CAMKK1: variants seen among roughly 807,000 people sequenced by gnomAD.
The protein encoded by CAMKK1 is calcium/calmodulin dependent protein kinase kinase 1.
In CAMKK1, 20 loss-of-function variants were observed where a neutral mutation model predicts 63.5. The observed-to-expected ratio is 0.32, with a 90% CI of 0.22 to 0.46. The LOEUF is 0.46. Ranked by LOEUF, CAMKK1 falls within the 20% of genes least tolerant of loss-of-function variation. The probability of loss-of-function intolerance (pLI) is 1.00; values close to 1 mark genes in which losing one functional copy is unlikely to be tolerated. For missense variants in CAMKK1, 588 were observed against 658.1 expected, an observed-to-expected ratio of 0.89 and a Z score of 1.17; for synonymous variants, 253 against 269.0, an observed-to-expected ratio of 0.94 and a Z score of 0.58.
rs978930397 is a variant in CAMKK1, at chr17:3,890,129, A to G, written c.-44+2810T>C. Among the ~76,000 whole-genome samples the G allele has an allele frequency of 5.3e-5, 8 of 152,206 alleles. No homozygotes were observed. Among genetic ancestry groups the G allele is most frequent in the Non-Finnish European group, 8.8e-5 (6 of 68,024 alleles). ...GGTCCTCCCATGCCTGGGCCGCCTC[A>G]CTGGAGCTGTGTTTATGATCCTGGC... On this transcript the variant is annotated intron_variant, in intron 1 of 15. Coordinates refer to ENST00000348335, the MANE Select transcript of CAMKK1 (RefSeq NM_032294.3). The surrounding 1 kb of genome is among the most constrained non-coding windows in gnomAD (Gnocchi z 6.5).
chr17:3,882,675 C>T lies in CAMKK1; in HGVS notation c.649-111G>A, dbSNP rs2055465737. ...GAACCCTTAGTATGCATGCAACCACCCCAGACAAGGAAGCAGGAAGTGTAC... is the reference window on the plus strand; with the variant it reads ...GAACCCTTAGTATGCATGCAACCACTCCAGACAAGGAAGCAGGAAGTGTAC... On this transcript the variant is annotated intron_variant, in intron 6 of 15. Transcript: ENST00000348335. The surrounding 1 kb of genome is among the most constrained non-coding windows in gnomAD (Gnocchi z 4.3). 1.2e-5 allele frequency: 12 copies of T among 1,021,950 alleles called. No homozygotes were observed. Among genetic ancestry groups the T allele is most frequent in the Non-Finnish European group, 1.8e-5 (12 of 673,246 alleles). The allele number at this position is 1,021,950 out of a possible 1,614,324, so 63.3% of individuals were successfully genotyped here.
In CAMKK1 at chr17:3,884,432, G is replaced by C. The variant is rs3809803; in HGVS notation, c.361-5C>G. The C allele has an allele frequency of 2.7e-5, 44 of 1,612,980 alleles. No homozygotes were observed. Among genetic ancestry groups the C allele is most frequent in the Non-Finnish European group, 3.6e-5 (42 of 1,179,512 alleles). On this transcript the variant is annotated splice_polypyrimidine_tract_variant and splice_region_variant and intron_variant, in intron 2 of 15. Coordinates refer to ENST00000348335, the MANE Select transcript of CAMKK1 (RefSeq NM_032294.3). The surrounding 1 kb of genome is among the most constrained non-coding windows in gnomAD (Gnocchi z 4.5). ...CTGGTTCAGCTGCACGCAGTCCTGT[G>C]GGGGAAGAGCGAGCACCAGGTGGAG...
chr17:3,866,719 T>G (rs2054540957), intron 14 of CAMKK1, among the ~76,000 whole-genome samples: 1 of 123,148 alleles, frequency 8.1e-6, no homozygotes, highest in South Asian at 3.4e-4. Context: ...TGCCCTCATA[T>G]AGCCTTTTTT....
chr17:3,867,234 C>T (rs769264684), intron 14 of CAMKK1, among the ~76,000 whole-genome samples: 10 of 152,194 alleles, frequency 6.6e-5, no homozygotes, highest in Non-Finnish European at 1.2e-4. Context: ...AGTGAGGGAG[C>T]GAGTCCCGTG....
rs537087701 is a variant in CAMKK1, at chr17:3,889,967, G to T, written c.-44+2972C>A. On this transcript the variant is annotated intron_variant, in intron 1 of 15. Coordinates refer to ENST00000348335, the MANE Select transcript of CAMKK1 (RefSeq NM_032294.3). The surrounding 1 kb of genome is among the most constrained non-coding windows in gnomAD (Gnocchi z 5.2). ...GCCTCATTCTGAGCGCTGGAAGGCC[G>T]CTGTGAACCCCAGTGCCAAGCCGAG... 3.3e-5 allele frequency among the ~76,000 whole-genome samples: 5 copies of T among 152,234 alleles called. No individual in the cohort carries two copies. The highest frequency in any genetic ancestry group is 1.2e-4 in the African/African-American group (5 of 41,470).
intron 1 of CAMKK1, among the ~76,000 whole-genome samples, chr17:3,886,226 G>A (rs944882585): frequency 3.3e-5 from 5 of 152,128 alleles, no homozygotes; most frequent in Non-Finnish European, 1.5e-5. Context: ...GCCTCCTCCA[G>A]GGAGCCCTCC....
rs2055816906 is a variant in CAMKK1, at chr17:3,889,764, C to G, written c.-44+3175G>C. Among the ~76,000 whole-genome samples the G allele has an allele frequency of 6.6e-6, 1 of 152,176 alleles. No individual in the cohort carries two copies. Among genetic ancestry groups the G allele is most frequent in the South Asian group, 2.1e-4 (1 of 4,830 alleles). ...AGGCTGTGCCCCACCCCCCAAGCGT[C>G]TGGCCACTCCCAAGGAATGTGGGCC... On this transcript the variant is annotated intron_variant, in intron 1 of 15. Coordinates refer to ENST00000348335, the MANE Select transcript of CAMKK1 (RefSeq NM_032294.3). The surrounding 1 kb of genome is among the most constrained non-coding windows in gnomAD (Gnocchi z 5.2).
chr17:3,885,564 C>G lies in CAMKK1; in HGVS notation c.124G>C (p.Val42Leu), dbSNP rs2055613050. Residue 42 changes from valine (V) to leucine (L), a missense_variant, in exon 2 of 16, where the codon GTG becomes CTG. This residue lies in a region of CAMKK1 where 357 missense variants were observed against 407.4 expected (regional missense o/e 0.88). Transcript: ENST00000348335. ...GCTCTGGCCCGTGGTGGGGGGTCCA[C>G]ACCGTTTCTAGTAGGCTCTGGGCCA... is the stretch of plus-strand genomic sequence containing the variant. ...DGGPEPTRNG[V>L]DPPPRARAAS... 4 of 1,613,970 alleles carry G rather than the reference C, an allele frequency of 2.5e-6. No individual in the cohort carries two copies. In the Admixed American group the frequency reaches 6.7e-5, roughly 27 times the overall value.
Position 3,882,346 on chromosome 17 carries a change from A to G in CAMKK1, c.685+182T>C. On this transcript the variant is annotated intron_variant, in intron 7 of 15. Coordinates refer to ENST00000348335, the MANE Select transcript of CAMKK1 (RefSeq NM_032294.3). This position sits in a 1 kb window ranked among gnomAD's most constrained non-coding sequence, Gnocchi z 4.3. The stretch of plus-strand genomic sequence containing the variant: ...GGCGATATTTGTTGAATCTAACTGG[A>G]TATTCTGGGCCTGGTTCTGCAGGGC... 2 of 1,613,968 alleles carry G rather than the reference A, an allele frequency of 1.2e-6. No individual in the cohort carries two copies. The highest frequency in any genetic ancestry group is 1.7e-6 in the Non-Finnish European group (2 of 1,179,940).
In CAMKK1 at chr17:3,862,828, G is replaced by A. The variant is rs770253977; in HGVS notation, c.1446-545C>T. Among the ~76,000 whole-genome samples the A allele has an allele frequency of 6.6e-6, 1 of 152,046 alleles. No individual in the cohort carries two copies. Among genetic ancestry groups the A allele is most frequent in the Non-Finnish European group, 1.5e-5 (1 of 68,020 alleles). On this transcript the variant is annotated intron_variant, in intron 15 of 15. Transcript: ENST00000348335. This position sits in a 1 kb window ranked among gnomAD's most constrained non-coding sequence, Gnocchi z 4.1. ...TATTTTTTTATCTCTATAAAAACAG[G>A]GTTTCACCATGTTGCCCAGGCTGGT...
chr17:3,874,990 T>C (rs1008088574), intron 10 of CAMKK1, among the ~76,000 whole-genome samples: 6 of 151,652 alleles, frequency 4.0e-5, no homozygotes, highest in Admixed American at 3.3e-4. Flanking sequence ...GGCGTGGTGG[T>C]GGGCGCCTGT....
At chr17:3,885,778 C>A in intron 1 of CAMKK1, 48 bp from the exon 2 acceptor site, 2 of 1,558,616 alleles carry the variant, frequency 1.3e-6, no homozygotes, top group East Asian at 2.3e-5. Flanking sequence ...GTCAGGCTGG[C>A]TACCAGGTAA....
At position 3,883,471 on chromosome 17, in the gene CAMKK1, C is replaced by A; in HGVS notation, c.472G>T (p.Val158Phe). ...ESEDRHYAMK[V>F]LSKKKLLKQY... ...TTCAGTAACTTCTTTTTGGAAAGGA[C>A]TTTCATTGCCTAAGGAAGGAGGGAC... is the stretch of plus-strand genomic sequence containing the variant. The change falls in exon 5 of 16, where the codon GTC (valine) becomes TTC (phenylalanine). Residue 158 changes from valine to phenylalanine, a missense_variant. By Grantham distance (50) the Val-to-Phe change is conservative. Transcript: ENST00000348335. This position sits in a 1 kb window ranked among gnomAD's most constrained non-coding sequence, Gnocchi z 4.7. 6.2e-7 allele frequency: 1 copy of A among 1,613,342 alleles called. No homozygotes were observed. Among genetic ancestry groups the A allele is most frequent in the South Asian group, 1.1e-5 (1 of 91,074 alleles).
At position 3,862,751 on chromosome 17, in the gene CAMKK1, T is replaced by G. The variant is rs1176571172; in HGVS notation, c.1446-468A>C. Among the ~76,000 whole-genome samples the G allele has an allele frequency of 6.6e-6, 1 of 152,202 alleles. No individual in the cohort carries two copies. The highest frequency in any genetic ancestry group is 6.5e-5 in the Admixed American group (1 of 15,278). On this transcript the variant is annotated intron_variant, in intron 15 of 15. Coordinates refer to ENST00000348335, the MANE Select transcript of CAMKK1 (RefSeq NM_032294.3). This position sits in a 1 kb window ranked among gnomAD's most constrained non-coding sequence, Gnocchi z 4.1. ...CTCAAGCGATCCTCCCACCTCAGCC[T>G]CCTGAGTAGCTGAGACTACAGGCAC...
Position 3,883,862 on chromosome 17 carries a change from T to G in CAMKK1, c.462+22A>C. The G allele has an allele frequency of 6.2e-7, 1 of 1,613,144 alleles. No individual in the cohort carries two copies. Among genetic ancestry groups the G allele is most frequent in the Non-Finnish European group, 8.5e-7 (1 of 1,179,626 alleles). On this transcript the variant is annotated intron_variant, in intron 4 of 15. Coordinates refer to ENST00000348335, the MANE Select transcript of CAMKK1 (RefSeq NM_032294.3). This position sits in a 1 kb window ranked among gnomAD's most constrained non-coding sequence, Gnocchi z 4.7. ...TCCAGGGCCTGGCTTGGGCAACACCTCCCTCGTATCCCCAGACTCACATAG... is the reference window on the plus strand; with the variant it reads ...TCCAGGGCCTGGCTTGGGCAACACCGCCCTCGTATCCCCAGACTCACATAG...
Position 3,889,964 on chromosome 17 carries a change from G to T in CAMKK1, c.-44+2975C>A, listed in dbSNP as rs2055826404. On this transcript the variant is annotated intron_variant, in intron 1 of 15. Coordinates refer to ENST00000348335, the MANE Select transcript of CAMKK1 (RefSeq NM_032294.3). The surrounding 1 kb of genome is among the most constrained non-coding windows in gnomAD (Gnocchi z 5.2). ...CAGGCCTCATTCTGAGCGCTGGAAG[G>T]CCGCTGTGAACCCCAGTGCCAAGCC... Among the ~76,000 whole-genome samples the T allele has an allele frequency of 2.0e-5, 3 of 152,346 alleles. No homozygotes were observed. In the South Asian group the frequency reaches 6.2e-4, roughly 32 times the overall value.
At chr17:3,871,516 G>T (rs986155801) in intron 12 of CAMKK1, among the ~76,000 whole-genome samples, 17 of 150,498 alleles carry the variant, frequency 1.1e-4, no homozygotes, top group Non-Finnish European at 2.4e-4. Context: ...CACCACGCCC[G>T]GCTAATTTTT....
In CAMKK1 at chr17:3,884,995, C is replaced by T. The variant is rs777407287; in HGVS notation, c.360+333G>A. The stretch of plus-strand genomic sequence containing the variant: ...AGACTCTAAGAGGCAGAATTAGAGG[C>T]GAGGGGTGCAAGCTGGAGAAGAGTT... On this transcript the variant is annotated intron_variant, in intron 2 of 15. Coordinates refer to ENST00000348335, the MANE Select transcript of CAMKK1 (RefSeq NM_032294.3). This position sits in a 1 kb window ranked among gnomAD's most constrained non-coding sequence, Gnocchi z 4.5. 2.6e-5 allele frequency among the ~76,000 whole-genome samples: 4 copies of T among 152,088 alleles called. No individual in the cohort carries two copies. Among genetic ancestry groups the T allele is most frequent in the East Asian group, 1.9e-4 (1 of 5,194 alleles).
At chr17:3,870,010 G>T (rs2054769586) in intron 12 of CAMKK1, 122 bp from the exon 13 acceptor site, 1 of 757,700 alleles carries the variant, frequency 1.3e-6, no homozygotes, top group East Asian at 2.6e-5. Flanking sequence ...CAGCAGGCAG[G>T]AATTTCACAA....
Sources: gnomAD v4.1 joint callset for allele counts (sites outside exome capture counted in the v4.1 genomes callset) on GRCh38, gnomAD v4.1.1 for gene constraint, gnomAD v4.1.1 regional missense constraint, Gnocchi (gnomAD v3.1) non-coding constraint, MANE v1.5 for transcripts, NCBI Gene and HGNC (gene_info 2026-07-23, HGNC 2026-07-21) for gene names.